MILR1: variants seen among roughly 807,000 people sequenced by gnomAD.
The protein encoded by MILR1 is mast cell immunoglobulin like receptor 1, also known as allergin-1.
In MILR1, 31 loss-of-function variants were observed where a neutral mutation model predicts 18.5. The observed-to-expected ratio is 1.68, with a 90% CI of 1.26 to 2.26. The LOEUF is 2.26. MILR1 is among the 30% of genes most tolerant of loss of function. The pLI, the probability that MILR1 is intolerant of heterozygous loss-of-function variation, is 0.00. For synonymous variants in MILR1, 85 were observed against 56.2 expected (o/e 1.51, Z -2.30); for missense variants, 257 against 157.4 (o/e 1.63, Z -3.38).
At chr17:64,460,441 G>A (rs1035194721) in intron 4 of MILR1, among the ~76,000 whole-genome samples, 14 of 152,112 alleles carry the variant, frequency 9.2e-5, no homozygotes, top group Admixed American at 3.9e-4. Flanking sequence ...GGGCTCAAGC[G>A]ATCACCCTGC....
chr17:64,479,294 C>T, the MILR1 span, among the ~76,000 whole-genome samples: 1 of 151,734 alleles, frequency 6.6e-6, no homozygotes, highest in Non-Finnish European at 1.5e-5. Flanking sequence ...AGCAATTCTC[C>T]TGCCTCAGCC....
chr17:64,467,534 T>C, intron 8 of MILR1, 31 bp from the exon 9 acceptor site: 1 of 1,348,900 alleles, frequency 7.4e-7, no homozygotes, highest in Non-Finnish European at 1.0e-6. Flanking sequence ...TCACATATCC[T>C]AAGTAAATTA....
At chr17:64,481,038 C>A in the MILR1 span, among the ~76,000 whole-genome samples, 2 of 152,182 alleles carry the variant, frequency 1.3e-5, no homozygotes, top group African/African-American at 4.8e-5. Context: ...CCTTAACAGT[C>A]TAGCACCAAC....
intron 3 of MILR1, 81 bp downstream of exon 3, chr17:64,452,947 T>C (rs2037207655): frequency 2.3e-6 from 1 of 443,954 alleles, no homozygotes; most frequent in South Asian, 8.9e-5. Flanking sequence ...CCATGATCCT[T>C]GTGAACACTT....
chr17:64,472,546 G>A (rs1489832301), downstream of MILR1, among the ~76,000 whole-genome samples: 1 of 139,472 alleles, frequency 7.2e-6, no homozygotes, highest in Non-Finnish European at 1.5e-5. Context: ...TAACATTTCA[G>A]TCATTCATGG....
At chr17:64,461,819 C>T in intron 5 of MILR1, among the ~76,000 whole-genome samples, 1 of 152,146 alleles carries the variant, frequency 6.6e-6, no homozygotes, top group East Asian at 1.9e-4. Flanking sequence ...TTTCTATCTC[C>T]ATTAGTTTGA....
chr17:64,472,465 C>CAAAA (rs71158332), downstream of MILR1, among the ~76,000 whole-genome samples: 60 of 13,914 alleles, frequency 4.3e-3, 2 homozygotes, highest in Non-Finnish European at 5.8e-3. Flanking sequence ...GACTCCATCT[C>CAAAA]AAAAAAAAAA....
chr17:64,458,689 A>T (rs1165741365), intron 4 of MILR1, among the ~76,000 whole-genome samples: 1 of 151,784 alleles, frequency 6.6e-6, no homozygotes, highest in African/African-American at 2.4e-5. Context: ...ACCTTCCCCT[A>T]GGCTGAGGGG....
At chr17:64,485,888 A>G in the MILR1 span, 1 of 1,613,300 alleles carries the variant, frequency 6.2e-7, no homozygotes, top group Non-Finnish European at 8.5e-7. Flanking sequence ...AAAACAGAAG[A>G]AAAATAATCA....
At chr17:64,462,511 C>G (rs1015990124) in intron 5 of MILR1, among the ~76,000 whole-genome samples, 1 of 152,124 alleles carries the variant, frequency 6.6e-6, no homozygotes, top group African/African-American at 2.4e-5. Flanking sequence ...GACAAACAAG[C>G]GTCATCCCAT....
chr17:64,463,937 C>A (rs1246073865), intron 5 of MILR1, among the ~76,000 whole-genome samples: 2 of 150,928 alleles, frequency 1.3e-5, no homozygotes, highest in African/African-American at 2.4e-5. Context: ...GTTTCTCCTG[C>A]CTCAGCATCC....
At chr17:64,474,347 T>C in the MILR1 span, among the ~76,000 whole-genome samples, 2 of 152,136 alleles carry the variant, frequency 1.3e-5, no homozygotes, top group East Asian at 1.9e-4. Context: ...AGTGCTGGGA[T>C]TACAGGCGTG....
chr17:64,495,034 G>A, the MILR1 span, among the ~76,000 whole-genome samples: 4 of 152,072 alleles, frequency 2.6e-5, no homozygotes, highest in Non-Finnish European at 4.4e-5. Flanking sequence ...TTAGCCAGGC[G>A]TGGTGGCAAG....
intron 5 of MILR1, among the ~76,000 whole-genome samples, chr17:64,462,770 A>G (rs2037462131): frequency 1.3e-5 from 2 of 151,508 alleles, no homozygotes; most frequent in African/African-American, 4.9e-5. Flanking sequence ...CCTCCTGAGT[A>G]GCTGGGATTA....
chr17:64,460,905 T>C lies in MILR1; in HGVS notation c.736T>C (p.Phe246Leu), dbSNP rs2037416649. 2.1e-6 allele frequency: 1 copy of C among 475,012 alleles called. No homozygotes were observed. Among genetic ancestry groups the C allele is most frequent in the Admixed American group, 3.2e-5 (1 of 31,714 alleles). 29.4% of individuals were successfully genotyped at this position (475,012 alleles called of 1,614,324 possible). A position where few individuals can be genotyped will look rare whatever the true frequency, so the allele number is the denominator to read the frequency against. ...GGTGGTGATAATCCTAATTCTGGCT[T>C]TTTGGGTACTGCCCAAATACAAAAC... is the stretch of plus-strand genomic sequence containing the variant. ...LLVVIILILA[F>L]WVLPKYKTRK... The change falls in exon 5 of 10, where the codon TTT (phenylalanine) becomes CTT (leucine). Residue 246 changes from phenylalanine (F) to leucine (L), a missense_variant. Transcript: ENST00000619286.
At chr17:64,482,862 GT>G in the MILR1 span, 1 of 1,009,114 alleles carries the variant, frequency 9.9e-7, no homozygotes, top group South Asian at 1.3e-5. Flanking sequence ...GGTCCAAAGC[GT>G]TTTTGGATAA....
chr17:64,495,209 G>T, the MILR1 span, among the ~76,000 whole-genome samples: 4 of 150,724 alleles, frequency 2.7e-5, no homozygotes, highest in Non-Finnish European at 5.9e-5. Flanking sequence ...CAGGATCTGG[G>T]CACTAGGTGT....
At chr17:64,492,453 AT>A in the MILR1 span, among the ~76,000 whole-genome samples, 1 of 152,260 alleles carries the variant, frequency 6.6e-6, no homozygotes, top group Non-Finnish European at 1.5e-5. Flanking sequence ...AGAAAGGCTA[AT>A]TAACAAACAC....
chr17:64,492,317 C>A, the MILR1 span, among the ~76,000 whole-genome samples: 12,971 of 151,974 alleles, frequency 0.085, 1,597 homozygotes, highest in African/African-American at 0.27. Context: ...AATTACAGAG[C>A]CATTTTGACT....
Sources: allele counts gnomAD v4.1 joint callset (sites outside exome capture counted in the v4.1 genomes callset), GRCh38; gene constraint gnomAD v4.1.1; transcripts MANE v1.5; gene names NCBI Gene and HGNC (gene_info 2026-07-23, HGNC 2026-07-21).